Variants in BAALC observed in about 807,000 individuals in gnomAD.
The protein encoded by BAALC is BAALC binder of MAP3K1 and KLF4.
A neutral mutation model predicts 15.5 loss-of-function variants in BAALC; 9 were observed. That is an observed-to-expected ratio of 0.58 (90% CI 0.35 to 1.02). The LOEUF (loss-of-function observed/expected upper bound fraction) is 1.02. BAALC is among the 50% of genes least tolerant of loss of function. The probability of loss-of-function intolerance (pLI) is 0.02; values close to 1 mark genes in which losing one functional copy is unlikely to be tolerated. For missense variants in BAALC, 201 were observed against 192.4 expected (o/e 1.04, Z -0.27); for synonymous variants, 80 against 74.6 (o/e 1.07, Z -0.37).
chr8:103,203,985 A>G (rs545197954), intron 1 of BAALC, among the ~76,000 whole-genome samples: 1 of 152,280 alleles, frequency 6.6e-6, no homozygotes, highest in East Asian at 1.9e-4. Flanking sequence ...ACTATGTTCA[A>G]CCTTTTACAG....
rs56402841 is a variant in BAALC at position 103,154,920 on chromosome 8, C to CTATATA, written c.160+13878_160+13883dup. Among the ~76,000 whole-genome samples, 497 of 129,964 alleles carry CTATATA rather than the reference C, an allele frequency of 3.8e-3. 3 individuals are homozygous for CTATATA. The highest frequency in any genetic ancestry group is 0.013 in the African/African-American group (469 of 36,102). The allele number at this position is 129,964 out of a possible 152,430, so 85.3% of individuals were successfully genotyped here. ...ATGTGGGCCTCTTACCTATCTCAAG[C>CTATATA]TATATATATATATATATATAATATA... is the stretch of plus-strand genomic sequence containing the variant. On this transcript the variant is annotated intron_variant, in intron 1 of 2. Coordinates refer to ENST00000309982, the MANE Select transcript of BAALC (RefSeq NM_024812.3).
intron 2 of BAALC, among the ~76,000 whole-genome samples, chr8:103,224,581 G>T (rs1394862889): frequency 6.6e-6 from 1 of 152,076 alleles, no homozygotes; most frequent in Admixed American, 6.6e-5. Flanking sequence ...TGCAGAGGAA[G>T]CTCTCAGCCG....
rs768900824 is a variant in BAALC, at chr8:103,157,528, G to T, written c.160+16471G>T. On this transcript the variant is annotated intron_variant, in intron 1 of 2. Coordinates refer to ENST00000309982, the MANE Select transcript of BAALC (RefSeq NM_024812.3). ...AGGACTCTTTTAAAAAGATATTGGG[G>T]CTGTCATGGTGGCTCACACCAGTAA... 9.9e-5 allele frequency among the ~76,000 whole-genome samples: 15 copies of T among 152,038 alleles called. 1 individual carries two copies. The East Asian group carries it at 1.3e-3, about 14-fold the overall frequency.
chr8:103,196,732 T>C (rs1479725518), intron 1 of BAALC, among the ~76,000 whole-genome samples: 4 of 152,140 alleles, frequency 2.6e-5, no homozygotes, highest in Admixed American at 2.6e-4. Flanking sequence ...TGAACCTCCC[T>C]GGTATTATTT....
At chr8:103,182,570 A>T (rs150697704) in intron 1 of BAALC, among the ~76,000 whole-genome samples, 225 of 152,352 alleles carry the variant, frequency 1.5e-3, no homozygotes, top group Middle Eastern at 3.4e-3. Flanking sequence ...AGGAGCAGAT[A>T]GGAAGAGGTT....
intron 1 of BAALC, among the ~76,000 whole-genome samples, chr8:103,210,896 A>G (rs1244501591): frequency 6.6e-6 from 1 of 152,216 alleles, no homozygotes; most frequent in African/African-American, 2.4e-5. Flanking sequence ...AAATTTGAAA[A>G]TATATTGCAG....
intron 1 of BAALC, chr8:103,198,020 A>T: frequency 1.5e-6 from 1 of 655,616 alleles, no homozygotes; most frequent in Admixed American, 2.4e-5. Context: ...AGGACTAACC[A>T]TGCCTGATTT....
At chr8:103,227,951 T>C (rs939539798) in intron 2 of BAALC, 38 bp from the exon 3 acceptor site, 1 of 1,445,466 alleles carries the variant, frequency 6.9e-7, no homozygotes, top group Non-Finnish European at 9.7e-7. Context: ...TTGGTTTACA[T>C]TTCCTAGTAA....
chr8:103,189,299 C>CA (rs1254551562), intron 1 of BAALC, among the ~76,000 whole-genome samples: 2 of 152,186 alleles, frequency 1.3e-5, no homozygotes, highest in African/African-American at 4.8e-5. Context: ...TATAATTTAA[C>CA]AGTGTAACAT....
At chr8:103,215,838 T>C (rs1016305962) in intron 2 of BAALC, among the ~76,000 whole-genome samples, 4 of 152,180 alleles carry the variant, frequency 2.6e-5, no homozygotes, top group African/African-American at 7.2e-5. Flanking sequence ...ACATACCACA[T>C]ACATACACAA....
chr8:103,225,911 T>A (rs560999471), intron 2 of BAALC, among the ~76,000 whole-genome samples: 1 of 152,212 alleles, frequency 6.6e-6, no homozygotes, highest in Non-Finnish European at 1.5e-5. Context: ...TTATGTGACA[T>A]ATTAGAAACA....
At chr8:103,201,164 T>C (rs1435508407) in intron 1 of BAALC, among the ~76,000 whole-genome samples, 1 of 151,874 alleles carries the variant, frequency 6.6e-6, no homozygotes, top group African/African-American at 2.4e-5. Flanking sequence ...TGTAAGGAAA[T>C]GAAGTAAGAA....
chr8:103,175,771 G>A (rs541000524), intron 1 of BAALC, among the ~76,000 whole-genome samples: 2 of 152,304 alleles, frequency 1.3e-5, no homozygotes, highest in African/African-American at 4.8e-5. Context: ...GACAAGGGCT[G>A]GGTGGAGAAG....
chr8:103,163,570 T>C (rs372659254), intron 1 of BAALC, among the ~76,000 whole-genome samples: 9 of 152,166 alleles, frequency 5.9e-5, no homozygotes, highest in African/African-American at 2.2e-4. Flanking sequence ...TTCCTATCTT[T>C]CTCTGCACAT....
intron 1 of BAALC, among the ~76,000 whole-genome samples, chr8:103,169,114 C>G (rs1811419099): frequency 6.6e-6 from 1 of 152,004 alleles, no homozygotes; most frequent in Non-Finnish European, 1.5e-5. Flanking sequence ...TATTATATTT[C>G]TCCCTAGCCT....
chr8:103,180,646 T>C (rs991150858), intron 1 of BAALC, among the ~76,000 whole-genome samples: 1 of 152,106 alleles, frequency 6.6e-6, no homozygotes, highest in Admixed American at 6.5e-5. Context: ...AGGGAGAGGA[T>C]TAGACAAAAT....
intron 1 of BAALC, among the ~76,000 whole-genome samples, chr8:103,177,844 C>A (rs1811640424): frequency 6.6e-6 from 1 of 152,158 alleles, no homozygotes; most frequent in African/African-American, 2.4e-5. Context: ...TTATATGTGC[C>A]ATGCACTATT....
At chr8:103,181,118 C>T (rs573139083) in intron 1 of BAALC, among the ~76,000 whole-genome samples, 22 of 152,016 alleles carry the variant, frequency 1.4e-4, no homozygotes, top group African/African-American at 3.4e-4. Context: ...CTGTAGGAAC[C>T]GACTATCCCA....
At chr8:103,211,414 T>C (rs1486287361) in intron 1 of BAALC, among the ~76,000 whole-genome samples, 1 of 152,220 alleles carries the variant, frequency 6.6e-6, no homozygotes, top group Non-Finnish European at 1.5e-5. Context: ...GATTATTATT[T>C]CAAATATCTC....
Sources: allele counts gnomAD v4.1 joint callset (sites outside exome capture counted in the v4.1 genomes callset), GRCh38; gene constraint gnomAD v4.1.1; transcripts MANE v1.5; gene names NCBI Gene and HGNC (gene_info 2026-07-23, HGNC 2026-07-21).